CCDC158: variants seen among roughly 807,000 people sequenced by gnomAD.
The protein encoded by CCDC158 is coiled-coil domain containing 158.
A neutral mutation model predicts 138.6 loss-of-function variants in CCDC158; 116 were observed. The observed-to-expected ratio is 0.84, with a 90% confidence interval of 0.72 to 0.98. The LOEUF is 0.98. Among genes scored for constraint, CCDC158 ranks in the 50% least tolerant of loss-of-function variants. CCDC158 has a pLI of 0.00. For synonymous variants in CCDC158, 436 were observed against 442.4 expected (o/e 0.99, Z 0.18); for missense variants, 1,265 against 1,306.1 (o/e 0.97, Z 0.48).
intron 2 of CCDC158, among the ~76,000 whole-genome samples, chr4:76,409,025 T>C (rs1423499510): frequency 2.0e-5 from 3 of 152,226 alleles, no homozygotes; most frequent in Non-Finnish European, 4.4e-5. Context: ...CACTTTTTGA[T>C]GGGGTTTCAA....
At chr4:76,337,496 C>T (rs564710094) in intron 18 of CCDC158, among the ~76,000 whole-genome samples, 1 of 152,252 alleles carries the variant, frequency 6.6e-6, no homozygotes, top group Non-Finnish European at 1.5e-5. Context: ...CTCCGGGAGG[C>T]CAAGGCGGGT....
intron 1 of CCDC158, among the ~76,000 whole-genome samples, chr4:76,417,404 G>T (rs1729783291): frequency 6.6e-6 from 1 of 152,144 alleles, no homozygotes; most frequent in African/African-American, 2.4e-5. Context: ...TTAAGACTTT[G>T]GGGGACTACT....
intron 1 of CCDC158, among the ~76,000 whole-genome samples, 114 bp downstream of exon 1, chr4:76,420,851 A>T (rs1367673114): frequency 6.6e-6 from 1 of 152,202 alleles, no homozygotes; most frequent in Non-Finnish European, 1.5e-5. Context: ...CATGTGCAGA[A>T]CAAACACGAG....
intron 4 of CCDC158, among the ~76,000 whole-genome samples, chr4:76,390,966 G>A (rs1027019808): frequency 5.9e-5 from 9 of 152,050 alleles, no homozygotes; most frequent in African/African-American, 2.2e-4. Flanking sequence ...CATGACTGCA[G>A]CACCCAGATA....
At chr4:76,390,220 T>C (rs1266694584) in intron 4 of CCDC158, among the ~76,000 whole-genome samples, 3 of 151,936 alleles carry the variant, frequency 2.0e-5, no homozygotes, top group Non-Finnish European at 4.4e-5. Context: ...AAAGTCAAAG[T>C]GTAGAGTTTG....
intron 4 of CCDC158, among the ~76,000 whole-genome samples, chr4:76,391,278 A>G (rs997717997): frequency 7.9e-5 from 12 of 152,050 alleles, no homozygotes; most frequent in African/African-American, 2.9e-4. Context: ...ACATTAGGTC[A>G]TAAAACAAGT....
intron 12 of CCDC158, among the ~76,000 whole-genome samples, chr4:76,364,745 G>C (rs117118058): frequency 6.6e-6 from 1 of 152,204 alleles, no homozygotes; most frequent in East Asian, 1.9e-4. Context: ...CCAAATTATC[G>C]CCCTACTGGC....
chr4:76,327,408 C>T (rs1720624155), intron 22 of CCDC158, among the ~76,000 whole-genome samples: 1 of 152,120 alleles, frequency 6.6e-6, no homozygotes, highest in African/African-American at 2.4e-5. Context: ...TGTCATTGTG[C>T]AACCATCATA....
intron 13 of CCDC158, among the ~76,000 whole-genome samples, chr4:76,359,716 A>T (rs1723945004): frequency 6.6e-6 from 1 of 152,210 alleles, no homozygotes; most frequent in Non-Finnish European, 1.5e-5. Context: ...CTGCTCCTAA[A>T]AGCCTGTGCT....
intron 13 of CCDC158, among the ~76,000 whole-genome samples, chr4:76,358,267 A>C (rs1723779550): frequency 6.6e-6 from 1 of 152,142 alleles, no homozygotes; most frequent in Non-Finnish European, 1.5e-5. Context: ...CCAACCACTA[A>C]GTGCTGTTGA....
chr4:76,313,891 G>A (rs1350480588), intron 24 of CCDC158, among the ~76,000 whole-genome samples: 1 of 152,096 alleles, frequency 6.6e-6, no homozygotes, highest in African/African-American at 2.4e-5. Context: ...CTTATGTTTT[G>A]TTGTAACTGC....
chr4:76,368,915 T>A (rs1724951163), intron 11 of CCDC158, among the ~76,000 whole-genome samples: 1 of 152,210 alleles, frequency 6.6e-6, no homozygotes, highest in South Asian at 2.1e-4. Flanking sequence ...ACATTTAGTT[T>A]AATTAGTGTC....
chr4:76,389,758 C>CA (rs1727144098), intron 4 of CCDC158, among the ~76,000 whole-genome samples: 1 of 152,138 alleles, frequency 6.6e-6, no homozygotes, highest in Admixed American at 6.5e-5. Flanking sequence ...ATACATCTGG[C>CA]AGCAGGCTTT....
chr4:76,400,207 T>C (rs918471876), intron 3 of CCDC158, among the ~76,000 whole-genome samples: 1 of 151,988 alleles, frequency 6.6e-6, no homozygotes, highest in African/African-American at 2.4e-5. Flanking sequence ...ATATACACCA[T>C]GGAATACTAT....
At chr4:76,352,557 A>G (rs1402465146) in intron 16 of CCDC158, 1 of 152,252 alleles carries the variant, frequency 6.6e-6, no homozygotes, top group Non-Finnish European at 1.5e-5. Context: ...CTTAGCAATC[A>G]AGGATGGTTT....
chr4:76,360,531 G>A (rs566455031), intron 13 of CCDC158, among the ~76,000 whole-genome samples: 9 of 152,338 alleles, frequency 5.9e-5, no homozygotes, highest in Admixed American at 1.3e-4. Context: ...GCTGCCCAAG[G>A]TTTTGGAAGC....
chr4:76,342,348 T>C (rs1722137000), intron 18 of CCDC158, among the ~76,000 whole-genome samples: 2 of 152,194 alleles, frequency 1.3e-5, no homozygotes, highest in African/African-American at 4.8e-5. Context: ...GACTCAAGTG[T>C]CTTTTTGCTG....
intron 4 of CCDC158, among the ~76,000 whole-genome samples, chr4:76,389,165 C>G (rs999892207): frequency 2.0e-5 from 3 of 151,942 alleles, no homozygotes; most frequent in Non-Finnish European, 4.4e-5. Context: ...ACTTTTCAGA[C>G]AGATAATTCA....
chr4:76,411,204 C>G (rs1161647098), intron 2 of CCDC158, among the ~76,000 whole-genome samples: 2 of 152,110 alleles, frequency 1.3e-5, no homozygotes, highest in Admixed American at 1.3e-4. Context: ...GATTTAGAGA[C>G]CAGCCTGGTC....
Sources: allele counts gnomAD v4.1 joint callset (sites outside exome capture counted in the v4.1 genomes callset), GRCh38; gene constraint gnomAD v4.1.1; transcripts MANE v1.5; gene names NCBI Gene and HGNC (gene_info 2026-07-23, HGNC 2026-07-21).